LYPD8: variants seen among roughly 807,000 people sequenced by gnomAD.
LYPD8 encodes LY6/PLAUR domain containing 8.
LYPD8 carries 8 observed loss-of-function variants against 1.7 expected under a neutral mutation model. That is an observed-to-expected ratio of 4.58 (90% CI 2.69 to 8.27). The LOEUF (loss-of-function observed/expected upper bound fraction) is 8.27, where lower values mean the gene tolerates loss of function less well. Ranked by LOEUF, LYPD8 falls within the 30% of genes most tolerant of loss-of-function variation. The pLI, the probability that LYPD8 is intolerant of heterozygous loss-of-function variation, is 0.00. For missense variants in LYPD8, 112 were observed against 102.3 expected (o/e 1.09, Z -0.41); for synonymous variants, 50 against 43.6 (o/e 1.15, Z -0.58).
Position 248,751,304 on chromosome 1 carries a change from C to G in LYPD8, c.-49-174G>C, listed in dbSNP as rs1011976722. 2.1e-4 allele frequency among the ~76,000 whole-genome samples: 32 copies of G among 152,290 alleles called. No individual in the cohort carries two copies. The South Asian group carries it at 2.3e-3, about 11-fold the overall frequency. On this transcript the variant is annotated intron_variant, in intron 2 of 6. Transcript: ENST00000590317. Reference sequence around the variant, plus strand: ...TTCCACCCTGCTGCAAACGGAGGGCCAAGTTTTCTTAATCTCAGCCTGCAG... The same window carrying G: ...TTCCACCCTGCTGCAAACGGAGGGCGAAGTTTTCTTAATCTCAGCCTGCAG...
At chr1:248,740,307 G>A (rs1662566776) in intron 6 of LYPD8, among the ~76,000 whole-genome samples, 1 of 152,190 alleles carries the variant, frequency 6.6e-6, no homozygotes, top group South Asian at 2.1e-4. Context: ...CTCCTCTCTG[G>A]ACCTGAGTCC....
intron 2 of LYPD8, among the ~76,000 whole-genome samples, chr1:248,753,075 ACCCCACACCACACT>A (rs1662847505): frequency 2.9e-5 from 2 of 68,528 alleles, no homozygotes; most frequent in African/African-American, 1.3e-4. Context: ...CACCCCACAC[ACCCCACACCACACT>A]ACACACACAC....
chr1:248,751,474 C>T (rs1662801569), intron 2 of LYPD8, among the ~76,000 whole-genome samples: 1 of 152,010 alleles, frequency 6.6e-6, no homozygotes. Flanking sequence ...GGTCTGTGCC[C>T]CTCCCCTCCC....
intron 5 of LYPD8, among the ~76,000 whole-genome samples, chr1:248,746,446 G>C (rs1228219421): frequency 6.6e-6 from 1 of 152,222 alleles, no homozygotes; most frequent in Admixed American, 6.5e-5. Context: ...ATGCCATCCG[G>C]ATATACACTG....
At chr1:248,752,191 G>A (rs1662811119) in intron 2 of LYPD8, among the ~76,000 whole-genome samples, 1 of 152,060 alleles carries the variant, frequency 6.6e-6, no homozygotes, top group Admixed American at 6.5e-5. Flanking sequence ...GGAGCCACAT[G>A]TGGCTGTTGG....
chr1:248,752,659 C>CACACACCACACCA (rs1662822614), intron 2 of LYPD8, among the ~76,000 whole-genome samples: 1 of 90,436 alleles, frequency 1.1e-5, no homozygotes, highest in Non-Finnish European at 2.3e-5. Context: ...ACAACACACA[C>CACACACCACACCA]CACACACACC....
chr1:248,739,502 G>C lies in LYPD8; in HGVS notation c.*109C>G. On this transcript the variant is annotated 3_prime_UTR_variant, in exon 7 of 7. Transcript: ENST00000590317. This position sits in a 1 kb window ranked among gnomAD's most constrained non-coding sequence, Gnocchi z 4.3. ...GGAGACCTGTGACTCCCACTTACTG[G>C]GCAGTTAAACGGGGCAGAGCAGGGA... 6.9e-7 allele frequency: 1 copy of C among 1,443,956 alleles called. No homozygotes were observed. Among genetic ancestry groups the C allele is most frequent in the Non-Finnish European group, 9.3e-7 (1 of 1,071,410 alleles). The allele number at this position is 1,443,956 out of a possible 1,614,324, so 89.4% of individuals were successfully genotyped here.
chr1:248,741,743 C>T (rs1206797363), intron 6 of LYPD8, among the ~76,000 whole-genome samples: 2 of 152,080 alleles, frequency 1.3e-5, no homozygotes, highest in African/African-American at 4.8e-5. Flanking sequence ...GTCATGTTGC[C>T]CTAGGACACA....
intron 6 of LYPD8, among the ~76,000 whole-genome samples, chr1:248,744,609 TGTGG>T (rs1553283993): frequency 1.5e-4 from 18 of 117,534 alleles, no homozygotes; most frequent in African/African-American, 7.0e-4. Flanking sequence ...TAGCGTCAAA[TGTGG>T]ATCTCACAAT....
rs542925710 is a variant in LYPD8, at chr1:248,739,594, A to G, written c.*17T>C. The G allele has an allele frequency of 2.1e-4, 318 of 1,550,734 alleles. No homozygotes were observed. The highest frequency in any genetic ancestry group is 7.6e-4 in the Middle Eastern group (4 of 5,270). ...GAAGCAGAAATGGGGTGCTGGGCAAAGTGCAGCCCCAGGACCTCAGGGCAG... is the reference window on the plus strand; with the variant it reads ...GAAGCAGAAATGGGGTGCTGGGCAAGGTGCAGCCCCAGGACCTCAGGGCAG... On this transcript the variant is annotated 3_prime_UTR_variant, in exon 7 of 7. Transcript: ENST00000590317. The surrounding 1 kb of genome is among the most constrained non-coding windows in gnomAD (Gnocchi z 4.3).
chr1:248,745,242 G>C lies in LYPD8; in HGVS notation c.375C>G (p.Cys125Trp), dbSNP rs1279075741. The C allele has an allele frequency of 5.0e-6, 2 of 398,480 alleles. No homozygotes were observed. The highest frequency in any genetic ancestry group is 4.1e-5 in the African/African-American group (2 of 48,624). 24.7% of individuals were successfully genotyped at this position (398,480 alleles called of 1,614,324 possible). A position where few individuals can be genotyped will look rare whatever the true frequency, so the allele number is the denominator to read the frequency against. Residue 125 changes from cysteine (C) to tryptophan (W), a missense_variant, in exon 6 of 7, where the codon TGC becomes TGG. By Grantham distance (215) the Cys-to-Trp change is radical (BLOSUM62 -2). Transcript: ENST00000590317. The part of the protein sequence containing the change: ...PLKNVSSNAE[C>W]PACYESNGTS... ...TTCCATTAGATTCATAACAAGCAGG[G>C]CACTCTGCGTTGCTGGACACGTTCT...
chr1:248,752,802 C>CACCCAACACACACAACACACAA (rs1572156318), intron 2 of LYPD8, among the ~76,000 whole-genome samples: 1 of 98,118 alleles, frequency 1.0e-5, no homozygotes, highest in African/African-American at 4.9e-5. Context: ...ACACCACACC[C>CACCCAACACACACAACACACAA]CACAACACAC....
chr1:248,750,933 G>A (rs1047229041), intron 3 of LYPD8, 97 bp downstream of exon 3: 45,029 of 398,300 alleles, frequency 0.11, 3,250 homozygotes, highest in African/African-American at 0.24. Flanking sequence ...ACCATAATTT[G>A]ACATGTGAGG....
chr1:248,741,046 G>A lies in LYPD8; in HGVS notation c.476-1197C>T, dbSNP rs113813862. ...GGAGATTGGCTTGAGCCAGGAGTTC[G>A]AGGCAGCAGTGAGTCAGTGATCGCA... On this transcript the variant is annotated intron_variant, in intron 6 of 6. Transcript: ENST00000590317. Among the ~76,000 whole-genome samples, 961 of 152,322 alleles carry A rather than the reference G, an allele frequency of 6.3e-3. 7 individuals carry two copies. The highest frequency in any genetic ancestry group is 0.022 in the African/African-American group (929 of 41,572).
intron 2 of LYPD8, among the ~76,000 whole-genome samples, chr1:248,752,522 AAC>A (rs1443428409): frequency 1.3e-5 from 2 of 148,938 alleles, no homozygotes; most frequent in Non-Finnish European, 3.0e-5. Context: ...CANCCCACAC[AAC>A]ACACACACAC....
rs1553283087 is a variant in LYPD8 at position 248,739,782 on chromosome 1, C to G, written c.543G>C (p.Leu181=). The G allele has an allele frequency of 6.4e-7, 1 of 1,551,638 alleles. No individual in the cohort carries two copies. The highest frequency in any genetic ancestry group is 1.4e-5 in the African/African-American group (1 of 73,070). The change falls in exon 7 of 7, where the codon CTG becomes CTC. Residue 181 remains leucine, a synonymous_variant. Transcript: ENST00000590317. The surrounding 1 kb of genome is among the most constrained non-coding windows in gnomAD (Gnocchi z 4.3). ...SNVSNATCQF[L]SGENKTLGGV... is the part of the protein sequence containing the mutation. ...CTCCAAGAGTCTTGTTTTCACCAGA[C>G]AGGAACTGACAGGTGGCGTTACTGA...
rs1662707300 is a variant in LYPD8 at position 248,745,088 on chromosome 1, C to G, written c.475+54G>C. The G allele has an allele frequency of 2.0e-5, 8 of 397,986 alleles. No homozygotes were observed. The South Asian group carries it at 9.0e-4, about 45-fold the overall frequency. The allele number at this position is 397,986 out of a possible 1,614,324, so 24.7% of individuals were successfully genotyped here. ...TTAACCCAGAATTTATGAACCAAGA[C>G]TTGACATGTTTCCAGCCCAAGTCCC... On this transcript the variant is annotated intron_variant, in intron 6 of 6. Transcript: ENST00000590317.
At chr1:248,740,321 C>T (rs371086176) in intron 6 of LYPD8, among the ~76,000 whole-genome samples, 3 of 152,222 alleles carry the variant, frequency 2.0e-5, no homozygotes, top group East Asian at 3.8e-4. Flanking sequence ...TGAGTCCTCC[C>T]TGCCTGAGTT....
rs1662884853 is a variant in LYPD8, at chr1:248,754,025, C to CCACACACCACACATCACATGTCACAACCA, written c.-50+1213_-50+1214insTGGTTGTGACATGTGATGTGTGGTGTGTG. 3.9e-5 allele frequency among the ~76,000 whole-genome samples: 5 copies of CCACACACCACACATCACATGTCACAACCA among 127,320 alleles called. No individual in the cohort carries two copies. In the Admixed American group the frequency reaches 4.4e-4, roughly 11 times the overall value. The allele number at this position is 127,320 out of a possible 152,430, so 83.5% of individuals were successfully genotyped here. On this transcript the variant is annotated intron_variant, in intron 2 of 6. Coordinates refer to ENST00000590317, the MANE Select transcript of LYPD8 (RefSeq NM_001085474.2). Reference sequence around the variant, plus strand: ...CACTGCACATACACTACATCACACACCACACACCACACATCACATGTCACA... The same window carrying CCACACACCACACATCACATGTCACAACCA: ...CACTGCACATACACTACATCACACACCACACACCACACATCACATGTCACAACCACACACACCACACATCACATGTCACA...
Sources: allele counts gnomAD v4.1 joint callset (sites outside exome capture counted in the v4.1 genomes callset), GRCh38; gene constraint gnomAD v4.1.1; non-coding constraint Gnocchi (gnomAD v3.1); transcripts MANE v1.5; gene names NCBI Gene and HGNC (gene_info 2026-07-23, HGNC 2026-07-21).